ERLEC1: variants seen among roughly 807,000 people sequenced by gnomAD.
ERLEC1 encodes ER lectin.
A neutral mutation model predicts 68.0 loss-of-function variants in ERLEC1; 47 were observed. The observed-to-expected ratio is 0.69, with a 90% confidence interval of 0.55 to 0.88. The LOEUF (loss-of-function observed/expected upper bound fraction) is 0.88, where lower values mean the gene tolerates loss of function less well. Ranked by LOEUF, ERLEC1 falls within the 40% of genes least tolerant of loss-of-function variation. ERLEC1 has a pLI of 0.00. For missense variants in ERLEC1, 567 were observed against 583.8 expected, an observed-to-expected ratio of 0.97 and a Z score of 0.30; for synonymous variants, 225 against 203.2, an observed-to-expected ratio of 1.11 and a Z score of -0.91.
At chr2:53,789,911 T>G (rs1235446051) in intron 1 of ERLEC1, among the ~76,000 whole-genome samples, 1 of 150,562 alleles carries the variant, frequency 6.6e-6, no homozygotes, top group Non-Finnish European at 1.5e-5. Context: ...TCCAGCTACT[T>G]GGGAGGCTGA....
chr2:53,808,279 A>C lies in ERLEC1; in HGVS notation c.880-20A>C. On this transcript the variant is annotated intron_variant, in intron 8 of 13. Coordinates refer to ENST00000185150, the MANE Select transcript of ERLEC1 (RefSeq NM_015701.5). The stretch of plus-strand genomic sequence containing the variant: ...TTAAGTTTGGCATGGAAACCCTTAA[A>C]CGTGTGTGTTTAATTTTAGGAAGAT... 6.2e-7 allele frequency: 1 copy of C among 1,609,442 alleles called. No individual in the cohort carries two copies. The highest frequency in any genetic ancestry group is 8.5e-7 in the Non-Finnish European group (1 of 1,178,848).
At chr2:53,808,979 G>C (rs1349357356) in intron 9 of ERLEC1, among the ~76,000 whole-genome samples, 1 of 152,190 alleles carries the variant, frequency 6.6e-6, no homozygotes, top group Non-Finnish European at 1.5e-5. Flanking sequence ...CTTAGTACTA[G>C]TGGGAAATAC....
chr2:53,805,230 G>T lies in ERLEC1; in HGVS notation c.880-3069G>T, dbSNP rs575925580. On this transcript the variant is annotated intron_variant, in intron 8 of 13. Transcript: ENST00000185150. ...TAGAGATGGGGTTTCACCATCTTGG[G>T]CAAGCTGGTCTCGAACTCCTGACCT... 4.8e-5 allele frequency among the ~76,000 whole-genome samples: 7 copies of T among 146,016 alleles called. No homozygotes were observed. In the East Asian group the frequency reaches 1.4e-3, roughly 29 times the overall value.
chr2:53,797,308 T>C lies in ERLEC1; in HGVS notation c.349-207T>C, dbSNP rs189751569. 2.9e-3 allele frequency among the ~76,000 whole-genome samples: 440 copies of C among 152,338 alleles called. 2 individuals are homozygous for C. Among genetic ancestry groups the C allele is most frequent in the Non-Finnish European group, 4.5e-3 (309 of 68,026 alleles). On this transcript the variant is annotated intron_variant, in intron 3 of 13. Coordinates refer to ENST00000185150, the MANE Select transcript of ERLEC1 (RefSeq NM_015701.5). ...GACCCCAAGTGTATTCTAGACCTATTTCCTTCACAGAATTCTCACATAGAG... is the reference window on the plus strand; with the variant it reads ...GACCCCAAGTGTATTCTAGACCTATCTCCTTCACAGAATTCTCACATAGAG...
chr2:53,809,393 G>T, intron 10 of ERLEC1, 120 bp downstream of exon 10: 2 of 740,020 alleles, frequency 2.7e-6, no homozygotes, highest in Non-Finnish European at 4.2e-6. Context: ...AATATGATTA[G>T]TATAATCAAA....
At chr2:53,808,137 A>G (rs555504851) in intron 8 of ERLEC1, among the ~76,000 whole-genome samples, 162 bp from the exon 9 acceptor site, 2 of 152,338 alleles carry the variant, frequency 1.3e-5, no homozygotes, top group African/African-American at 2.4e-5. Flanking sequence ...AGCTTTCTCT[A>G]TGCTAAGTGC....
chr2:53,799,182 C>T (rs1675876966), intron 6 of ERLEC1, 101 bp downstream of exon 6: 1 of 989,304 alleles, frequency 1.0e-6, no homozygotes, highest in Non-Finnish European at 1.5e-6. Context: ...TGTTCTTATT[C>T]TTCATCTATC....
Position 53,796,511 on chromosome 2 carries a change from G to A in ERLEC1, c.348+498G>A, listed in dbSNP as rs551902723. Among the ~76,000 whole-genome samples, 3 of 151,762 alleles carry A rather than the reference G, an allele frequency of 2.0e-5. No individual in the cohort carries two copies. The South Asian group carries it at 6.3e-4, about 32-fold the overall frequency. On this transcript the variant is annotated intron_variant, in intron 3 of 13. Coordinates refer to ENST00000185150, the MANE Select transcript of ERLEC1 (RefSeq NM_015701.5). ...GTCTCATTCTGTCACCCAGGCTAGAGTATAGTGGCATGATCACGATTCACT... is the reference window on the plus strand; with the variant it reads ...GTCTCATTCTGTCACCCAGGCTAGAATATAGTGGCATGATCACGATTCACT...
At chr2:53,790,015 C>CAAA (rs751868369) in intron 1 of ERLEC1, among the ~76,000 whole-genome samples, 14 of 85,964 alleles carry the variant, frequency 1.6e-4, no homozygotes, top group South Asian at 3.7e-4. Flanking sequence ...GAGTCTGTCT[C>CAAA]AAAAAAAAAA....
chr2:53,814,806 AG>A, intron 12 of ERLEC1, 53 bp from the exon 13 acceptor site: 1 of 1,335,858 alleles, frequency 7.5e-7, no homozygotes, highest in Non-Finnish European at 1.1e-6. Context: ...AGTTATTAAC[AG>A]TGATCTTACT....
intron 8 of ERLEC1, among the ~76,000 whole-genome samples, chr2:53,803,237 CT>C (rs939789927): frequency 2.0e-5 from 3 of 152,186 alleles, no homozygotes; most frequent in Non-Finnish European, 2.9e-5. Flanking sequence ...TTACTGGACT[CT>C]TTGTGCATGT....
chr2:53,811,575 G>C (rs948100764), intron 10 of ERLEC1, among the ~76,000 whole-genome samples: 14 of 152,184 alleles, frequency 9.2e-5, no homozygotes, highest in Non-Finnish European at 1.9e-4. Context: ...GGTGCTTACT[G>C]TATGCTAGGC....
rs1676747006 is a variant in ERLEC1 at position 53,814,325 on chromosome 2, G to A, written c.1227-218G>A. Reference sequence around the variant, plus strand: ...CAAGTTGAAAATAATTATTAACTAAGCCAGTATGAAGTATCTCTTATATTC... The same window carrying A: ...CAAGTTGAAAATAATTATTAACTAAACCAGTATGAAGTATCTCTTATATTC... On this transcript the variant is annotated intron_variant, in intron 11 of 13. Coordinates refer to ENST00000185150, the MANE Select transcript of ERLEC1 (RefSeq NM_015701.5). Among the ~76,000 whole-genome samples, 4 of 152,270 alleles carry A rather than the reference G, an allele frequency of 2.6e-5. No homozygotes were observed. In the South Asian group the frequency reaches 8.3e-4, roughly 32 times the overall value.
chr2:53,808,487 A>G lies in ERLEC1; in HGVS notation c.1041+27A>G, dbSNP rs776129171. ...TGAGAAGTAAATCTTCAGTTTAAAT[A>G]TTTATTTTACAACTTTACCTGCCAG... On this transcript the variant is annotated intron_variant, in intron 9 of 13. Coordinates refer to ENST00000185150, the MANE Select transcript of ERLEC1 (RefSeq NM_015701.5). The G allele has an allele frequency of 5.0e-6, 8 of 1,608,836 alleles. No individual in the cohort carries two copies. In the South Asian group the frequency reaches 8.8e-5, roughly 18 times the overall value.
chr2:53,807,213 C>T (rs2104320472), intron 8 of ERLEC1, among the ~76,000 whole-genome samples: 1 of 152,346 alleles, frequency 6.6e-6, no homozygotes, highest in African/African-American at 2.4e-5. Flanking sequence ...TTTACCTCTT[C>T]CTCAAGTCTA....
At chr2:53,806,307 G>C (rs1294068945) in intron 8 of ERLEC1, among the ~76,000 whole-genome samples, 1 of 152,180 alleles carries the variant, frequency 6.6e-6, no homozygotes, top group Non-Finnish European at 1.5e-5. Flanking sequence ...CTGTCCAGAA[G>C]AAGTAGTAAT....
rs1157681444 is a variant in ERLEC1, at chr2:53,791,907, A to T, written c.163-2438A>T. On this transcript the variant is annotated intron_variant, in intron 1 of 13. Coordinates refer to ENST00000185150, the MANE Select transcript of ERLEC1 (RefSeq NM_015701.5). ...CCCTCATCATCTATAATGCTCTTTT[A>T]AAAAAAAAAAAAAAAAAAAAAAAAG... Among the ~76,000 whole-genome samples the T allele has an allele frequency of 2.2e-3, 69 of 31,340 alleles. No homozygotes were observed. In the East Asian group the frequency reaches 0.081, roughly 37 times the overall value. The allele number at this position is 31,340 out of a possible 152,430, so 20.6% of individuals were successfully genotyped here.
At chr2:53,794,276 A>G in intron 1 of ERLEC1, 69 bp from the exon 2 acceptor site, 2 of 630,592 alleles carry the variant, frequency 3.2e-6, no homozygotes. Flanking sequence ...TTTCCAGCTA[A>G]GACTAAAGTT....
chr2:53,814,995 C>CTTTT (rs777632156), intron 13 of ERLEC1, 60 bp downstream of exon 13: 538 of 469,950 alleles, frequency 1.1e-3, no homozygotes, highest in Admixed American at 2.4e-3. Context: ...ATTTTTTTTT[C>CTTTT]TTTTTTTTTT....
Sources: allele counts gnomAD v4.1 joint callset (sites outside exome capture counted in the v4.1 genomes callset), GRCh38; gene constraint gnomAD v4.1.1; transcripts MANE v1.5; gene names NCBI Gene and HGNC (gene_info 2026-07-23, HGNC 2026-07-21).